The following NKX2-5 variants were observed in gnomAD, a reference collection of about 807,000 sequenced individuals.
The protein encoded by NKX2-5 is homeobox protein Nkx-2.5.
Under a neutral mutation model 24.5 loss-of-function variants are expected in NKX2-5, and 3 were observed. The ratio of observed to expected loss-of-function variants is 0.12; its 90% CI spans 0.06 to 0.32. NKX2-5 has a LOEUF of 0.32. Ranked by LOEUF, NKX2-5 falls within the 10% of genes least tolerant of loss-of-function variation. NKX2-5 has a pLI of 1.00. For synonymous variants in NKX2-5, 215 were observed against 217.6 expected, an observed-to-expected ratio of 0.99 and a Z score of 0.11; for missense variants, 429 against 452.4, an observed-to-expected ratio of 0.95 and a Z score of 0.47.
chr5:173,233,273 C>T, intron 1 of NKX2-5, 64 bp from the exon 2 acceptor site: 1 of 1,564,004 alleles, frequency 6.4e-7, no homozygotes, highest in Middle Eastern at 1.7e-4. Flanking sequence ...GGAGCGCGGC[C>T]GCACAGTAAT....
chr5:173,232,909 G>T lies in NKX2-5; in HGVS notation c.635C>A (p.Pro212Gln), dbSNP rs372282873. ...CACCGCGATCCTGCGGGCAGGCGGC[G>T]GCGGCGGCGGGGGCAGCCCCACCAG... ...LELVGLPPPPPPPARRIAVPV... is the reference protein window; with the variant it reads ...LELVGLPPPPQPPARRIAVPV... The change falls in exon 2 of 2, where the codon CCG (proline) becomes CAG (glutamine). Residue 212 changes from proline to glutamine, a missense_variant. Coordinates refer to ENST00000329198, the MANE Select transcript of NKX2-5 (RefSeq NM_004387.4). The surrounding 1 kb of genome is among the most constrained non-coding windows in gnomAD (Gnocchi z 5.9). 1.2e-6 allele frequency: 2 copies of T among 1,604,850 alleles called. No homozygotes were observed. Among genetic ancestry groups the T allele is most frequent in the African/African-American group, 2.7e-5 (2 of 74,804 alleles).
intron 1 of NKX2-5, 41 bp downstream of exon 1, chr5:173,234,709 C>A (rs1761427146): frequency 2.8e-6 from 4 of 1,453,686 alleles, no homozygotes; most frequent in Non-Finnish European, 3.6e-6. Flanking sequence ...GGGACGAAAG[C>A]GACCCAGGAG....
Position 173,232,633 on chromosome 5 carries a change from T to A in NKX2-5, c.911A>T (p.Gln304Leu). ...NFGVGDLNAV[Q>L]SPGIPQSNSG... is the part of the protein sequence containing the mutation. Reference sequence around the variant, plus strand: ...GTTGCTCTGCGGAATCCCGGGGCTCTGAACCGCATTCAAGTCCCCGACGCC... The same window carrying A: ...GTTGCTCTGCGGAATCCCGGGGCTCAGAACCGCATTCAAGTCCCCGACGCC... Residue 304 changes from glutamine to leucine, a missense_variant, in exon 2 of 2, where the codon CAG (glutamine) becomes CTG (leucine). Gln to Leu is a moderately radical substitution (Grantham distance 113). This residue lies in a region of NKX2-5 where 183 missense variants were observed against 185.9 expected (regional missense o/e 0.98). Transcript: ENST00000329198. The surrounding 1 kb of genome is among the most constrained non-coding windows in gnomAD (Gnocchi z 5.9). The A allele has an allele frequency of 6.2e-7, 1 of 1,613,416 alleles. No homozygotes were observed. The highest frequency in any genetic ancestry group is 8.5e-7 in the Non-Finnish European group (1 of 1,179,778).
In NKX2-5 at chr5:173,234,895, C is replaced by T. The variant is rs760954359; in HGVS notation, c.189G>A (p.Ala63=). The part of the protein sequence containing the change: ...PEAYAGPEAA[A]PGLPELRAEL... ...CTGCGCGCAGCTCTGGGAGGCCCGG[C>T]GCAGCCGCCTCGGGCCCAGCGTAGG... Residue 63 remains alanine, a synonymous_variant, in exon 1 of 2, where the codon GCG becomes GCA. Transcript: ENST00000329198. 3.7e-6 allele frequency: 6 copies of T among 1,606,796 alleles called. No homozygotes were observed. The highest frequency in any genetic ancestry group is 1.1e-5 in the South Asian group (1 of 90,630).
chr5:173,233,390 T>G, intron 1 of NKX2-5, 181 bp from the exon 2 acceptor site: 1 of 1,536,734 alleles, frequency 6.5e-7, no homozygotes, highest in Non-Finnish European at 8.7e-7. Flanking sequence ...TCACTCAGCA[T>G]TTGTAGAAAG....
In NKX2-5 at chr5:173,233,409, G is replaced by A. The variant is rs551687864; in HGVS notation, c.335-200C>T. On this transcript the variant is annotated intron_variant, in intron 1 of 1. Coordinates refer to ENST00000329198, the MANE Select transcript of NKX2-5 (RefSeq NM_004387.4). ...TCAGCATTTGTAGAAAGTCAGGCTG[G>A]CTCAAGGCGCTGGAGAACAAAACGG... 5.9e-6 allele frequency: 9 copies of A among 1,536,506 alleles called. No individual in the cohort carries two copies. The East Asian group carries it at 1.5e-4, about 25-fold the overall frequency.
At position 173,235,175 on chromosome 5, in the gene NKX2-5, C is replaced by T; in HGVS notation, c.-92G>A. 2.3e-6 allele frequency: 3 copies of T among 1,299,056 alleles called. No homozygotes were observed. Among genetic ancestry groups the T allele is most frequent in the Non-Finnish European group, 2.1e-6 (2 of 953,964 alleles). 80.5% of individuals were successfully genotyped at this position (1,299,056 alleles called of 1,614,324 possible). ...AGCTTCCCTGCATGGTGCCGCCGCC[C>T]GCCCGCGCACCCGTCGGCCAGCTCT... On this transcript the variant is annotated 5_prime_UTR_variant, in exon 1 of 2. Transcript: ENST00000329198.
At chr5:173,233,980 C>G (rs1581110226) in intron 1 of NKX2-5, 1 of 1,238,656 alleles carries the variant, frequency 8.1e-7, no homozygotes, top group Non-Finnish European at 1.0e-6. Context: ...TCCCAGAAGG[C>G]CCCTTTCTGC....
chr5:173,234,349 T>G, intron 1 of NKX2-5: 1 of 967,878 alleles, frequency 1.0e-6, no homozygotes, highest in Non-Finnish European at 1.2e-6. Context: ...AATTTCTGTT[T>G]AGCGGTTCTC....
chr5:173,234,696 T>C lies in NKX2-5; in HGVS notation c.334+54A>G, dbSNP rs1292074413. The C allele has an allele frequency of 3.5e-6, 5 of 1,420,360 alleles. No homozygotes were observed. In the East Asian group the frequency reaches 1.0e-4, roughly 29 times the overall value. 88.0% of individuals were successfully genotyped at this position (1,420,360 alleles called of 1,614,324 possible). A position where few individuals can be genotyped will look rare whatever the true frequency, so the allele number is the denominator to read the frequency against. On this transcript the variant is annotated intron_variant, in intron 1 of 1. Coordinates refer to ENST00000329198, the MANE Select transcript of NKX2-5 (RefSeq NM_004387.4). ...TCTCCTCCTCCTGGCCCTGAGTTTC[T>C]TGGGGACGAAAGCGACCCAGGAGGG...
Position 173,235,020 on chromosome 5 carries a change from G to GC in NKX2-5, c.63_64insG (p.Gln22AlafsTer86). The GC allele has an allele frequency of 2.5e-6, 4 of 1,611,814 alleles. No individual in the cohort carries two copies. Among genetic ancestry groups the GC allele is most frequent in the East Asian group, 2.2e-5 (1 of 44,808 alleles). On this transcript the variant is annotated frameshift_variant, in exon 1 of 2. Coordinates refer to ENST00000329198, the MANE Select transcript of NKX2-5 (RefSeq NM_004387.4). LOFTEE classifies it high-confidence loss of function. ...GCGGCAGCCAGGCTGCGCTGCTGCTGTTCCAGGTTTAGGATGTCTTTGACT... is the reference window on the plus strand; with the variant it reads ...GCGGCAGCCAGGCTGCGCTGCTGCTGCTTCCAGGTTTAGGATGTCTTTGACT...
At chr5:173,233,882 G>A (rs1761397956) in intron 1 of NKX2-5, 2 of 985,320 alleles carry the variant, frequency 2.0e-6, no homozygotes, top group Non-Finnish European at 1.2e-6. Flanking sequence ...ATTCTCTCCC[G>A]GCTGGCAGCG....
In NKX2-5 at chr5:173,234,844, G is replaced by A. The variant is rs1761434596; in HGVS notation, c.240C>T (p.Ala80=). 6.3e-7 allele frequency: 1 copy of A among 1,587,636 alleles called. No individual in the cohort carries two copies. Among genetic ancestry groups the A allele is most frequent in the Admixed American group, 1.8e-5 (1 of 55,362 alleles). Residue 80 remains alanine (A), a synonymous_variant, in exon 1 of 2, where the codon GCC becomes GCT. Transcript: ENST00000329198. ...CGGCGGGAAAGGCAGACGCACACTT[G>A]GCCGGTGAAGGCGCGCGGCCCAGCT... ...RAELGRAPSP[A]KCASAFPAAP... is the part of the protein sequence containing the mutation.
intron 1 of NKX2-5, 101 bp downstream of exon 1, chr5:173,234,649 G>C: frequency 9.3e-7 from 1 of 1,075,320 alleles, no homozygotes. Context: ...CCGCAGCCCA[G>C]CCCTCGGCCC....
Position 173,233,006 on chromosome 5 carries a change from T to A in NKX2-5, c.538A>T (p.Thr180Ser). 1 of 1,611,246 alleles carries A rather than the reference T, an allele frequency of 6.2e-7. No individual in the cohort carries two copies. Among genetic ancestry groups the A allele is most frequent in the Non-Finnish European group, 8.5e-7 (1 of 1,179,112 alleles). Residue 180 changes from threonine to serine, a missense_variant, in exon 2 of 2, where the codon ACG becomes TCG. Physicochemically the swap from Thr to Ser is moderately conservative, Grantham distance 58. This residue lies in a region of NKX2-5 where 6 missense variants were observed against 26.1 expected (regional missense o/e 0.23). Transcript: ENST00000329198. ...TTCTGGAACCAGATCTTGACCTGCG[T>A]GGACGTGAGTTTCAGCACGCTGGCC... is the stretch of plus-strand genomic sequence containing the variant. Reference protein sequence around the residue: ...QLASVLKLTSTQVKIWFQNRR... With the variant: ...QLASVLKLTSSQVKIWFQNRR...
At position 173,233,372 on chromosome 5, in the gene NKX2-5, G is replaced by GAC. The variant is rs960618881; in HGVS notation, c.335-165_335-164dup. ...TCTGCCAAGTGCACTGGGAGCCACCGACACGTCTCACTCAGCATTTGTAGA... is the reference window on the plus strand; with the variant it reads ...TCTGCCAAGTGCACTGGGAGCCACCGACACACGTCTCACTCAGCATTTGTAGA... On this transcript the variant is annotated intron_variant, in intron 1 of 1. Transcript: ENST00000329198. 3 of 1,536,978 alleles carry GAC rather than the reference G, an allele frequency of 2.0e-6. No individual in the cohort carries two copies. In the African/African-American group the frequency reaches 4.1e-5, roughly 21 times the overall value.
chr5:173,233,536 A>T (rs1458358834), intron 1 of NKX2-5: 25 of 945,442 alleles, frequency 2.6e-5, no homozygotes, highest in Middle Eastern at 3.2e-4. Context: ...AAAAAATAAA[A>T]AAATAAAAAT....
intron 1 of NKX2-5, chr5:173,233,732 C>T: frequency 1.7e-6 from 1 of 590,422 alleles, no homozygotes; most frequent in Non-Finnish European, 2.1e-6. Context: ...GCAGGGTTTG[C>T]GCAGTGTCCA....
rs758967916 is a variant in NKX2-5 at position 173,235,048 on chromosome 5, G to A, written c.36C>T (p.Phe12=). The change falls in exon 1 of 2, where the codon TTC becomes TTT. Residue 12 remains phenylalanine, a synonymous_variant. Transcript: ENST00000329198. ...CCAGGTTTAGGATGTCTTTGACTGA[G>A]AAGGGCGTGGGCGTGAGAGCAGGGC... ...FPSPALTPTP[F]SVKDILNLEQ... 4 of 1,611,748 alleles carry A rather than the reference G, an allele frequency of 2.5e-6. No homozygotes were observed. The South Asian group carries it at 4.4e-5, about 18-fold the overall frequency.
Sources: allele counts gnomAD v4.1 joint callset, GRCh38; gene constraint gnomAD v4.1.1; regional missense constraint gnomAD v4.1.1; non-coding constraint Gnocchi (gnomAD v3.1); transcripts MANE v1.5; gene names NCBI Gene and HGNC (gene_info 2026-07-23, HGNC 2026-07-21).